PAK4: variants seen among roughly 807,000 people sequenced by gnomAD.
PAK4 encodes p21 (RAC1) activated kinase 4.
Under a neutral mutation model 53.5 loss-of-function variants are expected in PAK4, and 49 were observed. The observed-to-expected ratio is 0.92, with a 90% CI of 0.73 to 1.16. The LOEUF is 1.16. Among genes scored for constraint, PAK4 ranks in the 50% most tolerant of loss-of-function variants. The pLI, the probability that PAK4 is intolerant of heterozygous loss-of-function variation, is 0.00. For missense variants in PAK4, 824 were observed against 850.7 expected (o/e 0.97, Z 0.39); for synonymous variants, 376 against 375.6 (o/e 1.00, Z -0.01).
intron 1 of PAK4, among the ~76,000 whole-genome samples, chr19:39,160,640 G>A (rs1376635274): frequency 2.0e-5 from 3 of 152,248 alleles, no homozygotes; most frequent in Non-Finnish European, 4.4e-5. Flanking sequence ...ATACACGGAG[G>A]CAGCCAGCGC....
chr19:39,180,374 A>G (rs2074687845), downstream of PAK4: 1 of 152,170 alleles, frequency 6.6e-6, no homozygotes, highest in South Asian at 2.1e-4. Context: ...AGACCAAAAT[A>G]ACTGTCTCCT....
chr19:39,133,030 C>T (rs535114073), intron 1 of PAK4, among the ~76,000 whole-genome samples: 13 of 152,352 alleles, frequency 8.5e-5, no homozygotes, highest in East Asian at 1.9e-4. Context: ...ACAGCAAATA[C>T]GTGGCAGATG....
In PAK4 at chr19:39,175,374, A is replaced by G. The variant is rs1459295855; in HGVS notation, c.1295A>G (p.His432Arg). 6.3e-7 allele frequency: 1 copy of G among 1,596,326 alleles called. No homozygotes were observed. Residue 432 changes from histidine (H) to arginine (R), a missense_variant, in exon 6 of 9, where the codon CAC becomes CGC. This residue lies in a region of PAK4 where 346 missense variants were observed against 415.0 expected (regional missense o/e 0.83). Transcript: ENST00000358301. This position sits in a 1 kb window ranked among gnomAD's most constrained non-coding sequence, Gnocchi z 4.7. ...GTGCTGCAGGCCCTGTCGGTGCTCC[A>G]CGCCCAGGGCGTCATCCACCGGGAC...
intron 1 of PAK4, among the ~76,000 whole-genome samples, chr19:39,158,471 C>T (rs924929079): frequency 2.0e-5 from 3 of 152,302 alleles, no homozygotes; most frequent in African/African-American, 4.8e-5. Context: ...CAGCCTCAGG[C>T]GAGGAATAAA....
At position 39,173,250 on chromosome 19, in the gene PAK4, C is replaced by T; in HGVS notation, c.537C>T (p.Pro179=). 1 of 1,587,900 alleles carries T rather than the reference C, an allele frequency of 6.3e-7. No homozygotes were observed. Among genetic ancestry groups the T allele is most frequent in the Non-Finnish European group, 8.6e-7 (1 of 1,168,026 alleles). The change falls in exon 3 of 9, where the codon CCC becomes CCT. Residue 179 remains proline, a synonymous_variant. Coordinates refer to ENST00000358301, the Ensembl canonical transcript of PAK4. The surrounding 1 kb of genome is among the most constrained non-coding windows in gnomAD (Gnocchi z 6.9). ...AGGAGTCCTCCCGGGACAAACGCCCCCTCTCCGGGCCTGATGTCGGCACCC... is the reference window on the plus strand; with the variant it reads ...AGGAGTCCTCCCGGGACAAACGCCCTCTCTCCGGGCCTGATGTCGGCACCC...
Position 39,141,982 on chromosome 19 carries a change from C to CT in PAK4, c.-23+16064dup, listed in dbSNP as rs766242616. On this transcript the variant is annotated intron_variant, in intron 1 of 8. Coordinates refer to ENST00000358301, the Ensembl canonical transcript of PAK4. ...TACACTTTGCATCCGGTTGATAGGC[C>CT]TCTTTTTTTTGTTTTGTTTTGTTCC... Among the ~76,000 whole-genome samples, 112 of 152,174 alleles carry CT rather than the reference C, an allele frequency of 7.4e-4. 1 individual carries two copies. The highest frequency in any genetic ancestry group is 1.4e-3 in the Non-Finnish European group (96 of 68,002).
Position 39,175,050 on chromosome 19 carries a change from C to G in PAK4, c.1218C>G (p.Ile406Met). 1.2e-6 allele frequency: 2 copies of G among 1,611,442 alleles called. No homozygotes were observed. The highest frequency in any genetic ancestry group is 1.7e-6 in the Non-Finnish European group (2 of 1,178,664). The change falls in exon 5 of 9, where the codon ATC becomes ATG. Residue 406 changes from isoleucine (I) to methionine (M), a missense_variant. Coordinates refer to ENST00000358301, the Ensembl canonical transcript of PAK4. The surrounding 1 kb of genome is among the most constrained non-coding windows in gnomAD (Gnocchi z 4.7). Reference sequence around the variant, plus strand: ...TGGAAGGAGGCGCCCTCACCGACATCGTCACCCACACCAGGTATTTCTGGG... The same window carrying G: ...TGGAAGGAGGCGCCCTCACCGACATGGTCACCCACACCAGGTATTTCTGGG...
At chr19:39,146,913 A>T (rs534868328) in intron 1 of PAK4, among the ~76,000 whole-genome samples, 31 of 151,786 alleles carry the variant, frequency 2.0e-4, no homozygotes, top group African/African-American at 7.3e-4. Flanking sequence ...AAGGAAGGAG[A>T]GAAGGAGAGA....
downstream of PAK4, chr19:39,180,807 TC>T (rs1386717321): frequency 1.3e-5 from 2 of 152,144 alleles, no homozygotes; most frequent in Non-Finnish European, 2.9e-5. Flanking sequence ...AACAAGTTGT[TC>T]CAGAAAGATA....
At position 39,131,145 on chromosome 19, in the gene PAK4, A is replaced by G. The variant is rs142995932; in HGVS notation, c.-23+5226A>G. 5.0e-3 allele frequency among the ~76,000 whole-genome samples: 757 copies of G among 152,246 alleles called. 7 individuals carry two copies. The highest frequency in any genetic ancestry group is 0.015 in the African/African-American group (637 of 41,558). ...TCACACAGCAGGCAGTGGCAGAGGT[A>G]GGATTGAACCCCAGGCCTTGGGGCT... On this transcript the variant is annotated intron_variant, in intron 1 of 8. Coordinates refer to ENST00000358301, the Ensembl canonical transcript of PAK4.
At chr19:39,174,682 C>A (rs571046979) in intron 4 of PAK4, among the ~76,000 whole-genome samples, 3 of 152,142 alleles carry the variant, frequency 2.0e-5, no homozygotes, top group Non-Finnish European at 4.4e-5. Flanking sequence ...ACCTGCCCCC[C>A]AGCACTAGCC....
chr19:39,179,623 G>T (rs983808377), downstream of PAK4: 2 of 152,264 alleles, frequency 1.3e-5, no homozygotes, highest in African/African-American at 4.8e-5. Flanking sequence ...CCTGGAAGCA[G>T]CCAGTTTGCC....
chr19:39,170,973 G>T (rs959298692), intron 2 of PAK4, among the ~76,000 whole-genome samples: 2 of 152,200 alleles, frequency 1.3e-5, no homozygotes, highest in African/African-American at 4.8e-5. Context: ...GCCCTGCCTG[G>T]CTCTGTGGCC....
intron 1 of PAK4, among the ~76,000 whole-genome samples, chr19:39,148,865 C>G (rs1368422796): frequency 2.0e-5 from 3 of 151,348 alleles, no homozygotes; most frequent in Non-Finnish European, 4.4e-5. Flanking sequence ...CTTTTTTTCC[C>G]CCGTTTGGCA....
In PAK4 at chr19:39,173,214, A is replaced by G. The variant is rs768647043; in HGVS notation, c.501A>G (p.Ser167=). 48 of 1,557,888 alleles carry G rather than the reference A, an allele frequency of 3.1e-5. No individual in the cohort carries two copies. In the East Asian group the frequency reaches 7.2e-4, roughly 23 times the overall value. ...GGCCCAAGTCTTCCAGGGAGGGCTC[A>G]GGGGGTCCCCAGGAGTCCTCCCGGG... Residue 167 remains serine (S), a synonymous_variant, in exon 3 of 9, where the codon TCA becomes TCG. Coordinates refer to ENST00000358301, the Ensembl canonical transcript of PAK4. The surrounding 1 kb of genome is among the most constrained non-coding windows in gnomAD (Gnocchi z 6.9).
At chr19:39,127,750 C>T (rs1307945927) in intron 1 of PAK4, among the ~76,000 whole-genome samples, 1 of 152,182 alleles carries the variant, frequency 6.6e-6, no homozygotes, top group Non-Finnish European at 1.5e-5. Context: ...ATGTGGCTTG[C>T]GAGGGCATCT....
At chr19:39,137,097 C>T (rs2073829235) in intron 1 of PAK4, among the ~76,000 whole-genome samples, 1 of 152,186 alleles carries the variant, frequency 6.6e-6, no homozygotes, top group Non-Finnish European at 1.5e-5. Context: ...CTGGACATTC[C>T]TGAAGTTCTG....
chr19:39,151,692 A>G (rs530741943), intron 1 of PAK4, among the ~76,000 whole-genome samples: 4 of 152,380 alleles, frequency 2.6e-5, no homozygotes, highest in African/African-American at 7.2e-5. Context: ...TATATGCAGC[A>G]TGTCTGTGGT....
intron 1 of PAK4, among the ~76,000 whole-genome samples, chr19:39,136,017 A>AC (rs74176489): frequency 0.38 from 24,356 of 64,242 alleles, 2,937 homozygotes; most frequent in East Asian, 0.49. Flanking sequence ...CTTCTTCGTC[A>AC]CCCCCCTTCC....
Sources: allele counts gnomAD v4.1 joint callset (sites outside exome capture counted in the v4.1 genomes callset), GRCh38; gene constraint gnomAD v4.1.1; regional missense constraint gnomAD v4.1.1; non-coding constraint Gnocchi (gnomAD v3.1); transcripts MANE v1.5; gene names NCBI Gene and HGNC (gene_info 2026-07-23, HGNC 2026-07-21).